The following SCAPER variants were observed in gnomAD, a reference collection of about 807,000 sequenced individuals.
SCAPER encodes the protein S-phase cyclin A associated protein in the ER.
SCAPER carries 98 observed loss-of-function variants against 182.2 expected under a neutral mutation model. The ratio of observed to expected loss-of-function variants is 0.54; its 90% CI spans 0.46 to 0.64. The LOEUF is 0.64. Among genes scored for constraint, SCAPER ranks in the 30% least tolerant of loss-of-function variants. SCAPER has a pLI of 0.00. For missense variants in SCAPER, 1,432 were observed against 1,690.0 expected (o/e 0.85, Z 2.68); for synonymous variants, 605 against 564.6 (o/e 1.07, Z -1.01).
At chr15:76,856,256 G>C (rs2071356993) in intron 4 of SCAPER, among the ~76,000 whole-genome samples, 1 of 151,958 alleles carries the variant, frequency 6.6e-6, no homozygotes, top group Non-Finnish European at 1.5e-5. Context: ...ACAAACAGAG[G>C]GGCCTCCTTG....
intron 23 of SCAPER, among the ~76,000 whole-genome samples, chr15:76,542,636 T>C (rs2044870683): frequency 6.6e-6 from 1 of 151,828 alleles, no homozygotes; most frequent in South Asian, 2.1e-4. Flanking sequence ...TTTACAACCT[T>C]CCTTAAAAAG....
At chr15:76,647,835 G>C (rs1468333765) in intron 21 of SCAPER, among the ~76,000 whole-genome samples, 1 of 152,148 alleles carries the variant, frequency 6.6e-6, no homozygotes, top group Non-Finnish European at 1.5e-5. Flanking sequence ...TCTGTAGAGA[G>C]TTCACAAAGG....
intron 15 of SCAPER, 147 bp downstream of exon 15, chr15:76,753,661 C>T (rs745417591): frequency 3.5e-5 from 29 of 819,472 alleles, no homozygotes; most frequent in Non-Finnish European, 5.3e-5. Context: ...AAATATTGCA[C>T]CTGGTAAGTT....
chr15:76,558,614 T>C (rs183429676), intron 23 of SCAPER, among the ~76,000 whole-genome samples: 1 of 152,310 alleles, frequency 6.6e-6, no homozygotes, highest in Admixed American at 6.5e-5. Context: ...AAAGCAGTTG[T>C]GATGCTTTCT....
intron 22 of SCAPER, among the ~76,000 whole-genome samples, chr15:76,607,679 C>G (rs1325293595): frequency 2.0e-5 from 3 of 152,332 alleles, no homozygotes; most frequent in Admixed American, 2.0e-4. Flanking sequence ...TTGGTCTTTT[C>G]ACATAGTCCC....
At chr15:76,829,112 A>G (rs967101246) in intron 5 of SCAPER, among the ~76,000 whole-genome samples, 1 of 152,238 alleles carries the variant, frequency 6.6e-6, no homozygotes, top group Non-Finnish European at 1.5e-5. Flanking sequence ...ACCATGAAAT[A>G]CTACTCAGCC....
At chr15:76,873,654 A>AT (rs1305492539) in intron 2 of SCAPER, among the ~76,000 whole-genome samples, 1 of 152,222 alleles carries the variant, frequency 6.6e-6, no homozygotes, top group Non-Finnish European at 1.5e-5. Flanking sequence ...AGACAAAAAA[A>AT]TTAAGTAACA....
At chr15:76,407,733 C>A (rs1311912292) in intron 26 of SCAPER, among the ~76,000 whole-genome samples, 1 of 152,126 alleles carries the variant, frequency 6.6e-6, no homozygotes. Flanking sequence ...TACCGAATTT[C>A]ATTCAATGAC....
rs2066653686 is a variant in SCAPER at position 76,811,854 on chromosome 15, A to G, written c.394-7221T>C. 1.3e-5 allele frequency among the ~76,000 whole-genome samples: 2 copies of G among 151,890 alleles called. 1 individual carries two copies. Among genetic ancestry groups the G allele is most frequent in the Admixed American group, 1.3e-4 (2 of 15,270 alleles). On this transcript the variant is annotated intron_variant, in intron 5 of 31. Transcript: ENST00000563290. ...AAGGGAAAACAAAACAAAACAAAAA[A>G]GTAAAAAGGAGGCTTGTAGCTATAA...
intron 26 of SCAPER, among the ~76,000 whole-genome samples, chr15:76,430,177 G>A (rs1304598938): frequency 6.6e-6 from 1 of 152,238 alleles, no homozygotes; most frequent in African/African-American, 2.4e-5. Context: ...GTACGGAAAT[G>A]CCTGGGTGCC....
intron 2 of SCAPER, among the ~76,000 whole-genome samples, chr15:76,866,431 A>C (rs1041742653): frequency 4.6e-5 from 7 of 152,192 alleles, no homozygotes; most frequent in Non-Finnish European, 1.0e-4. Context: ...TACTTCCATA[A>C]ACATTTCAGC....
chr15:76,813,116 A>C (rs1336550900), intron 5 of SCAPER, among the ~76,000 whole-genome samples: 1 of 151,894 alleles, frequency 6.6e-6, no homozygotes, highest in Non-Finnish European at 1.5e-5. Flanking sequence ...AATACATGCA[A>C]ATCAATCAAT....
chr15:76,742,050 T>C (rs1003220136), intron 15 of SCAPER, among the ~76,000 whole-genome samples: 10 of 151,954 alleles, frequency 6.6e-5, no homozygotes, highest in East Asian at 5.8e-4. Flanking sequence ...CAGTAAAGGA[T>C]TGGTTAGAGA....
At chr15:76,383,078 G>T (rs2043060576) in intron 27 of SCAPER, among the ~76,000 whole-genome samples, 1 of 85,316 alleles carries the variant, frequency 1.2e-5, no homozygotes, top group East Asian at 5.2e-4. Context: ...GGGTTAGTGT[G>T]TGTATAGGTG....
chr15:76,799,160 T>C (rs1476169030), intron 7 of SCAPER, among the ~76,000 whole-genome samples: 1 of 152,218 alleles, frequency 6.6e-6, no homozygotes, highest in African/African-American at 2.4e-5. Context: ...TACAGATCTA[T>C]TGCAAAGGAA....
rs1261337799 is a variant in SCAPER, at chr15:76,795,459, A to T, written c.612-19T>A. ...TGAACCTCTATGGAGAAAAATAAAC[A>T]CATTTAATAAATTAAATATAAAAGA... On this transcript the variant is annotated intron_variant, in intron 7 of 31. Transcript: ENST00000563290. 1.4e-6 allele frequency: 2 copies of T among 1,468,402 alleles called. No homozygotes were observed. The allele number at this position is 1,468,402 out of a possible 1,614,324, so 91.0% of individuals were successfully genotyped here. A position where few individuals can be genotyped will look rare whatever the true frequency, so the allele number is the denominator to read the frequency against.
chr15:76,882,601 G>C (rs2073619125), intron 2 of SCAPER, among the ~76,000 whole-genome samples: 1 of 152,194 alleles, frequency 6.6e-6, no homozygotes, highest in South Asian at 2.1e-4. Context: ...TTAGAACTGA[G>C]GAAGAGTATG....
At chr15:76,713,251 C>A (rs1273308054) in intron 17 of SCAPER, among the ~76,000 whole-genome samples, 1 of 151,904 alleles carries the variant, frequency 6.6e-6, no homozygotes, top group Non-Finnish European at 1.5e-5. Context: ...ACTAGAAATA[C>A]CATTTGACCC....
At chr15:76,716,532 A>G (rs913823474) in intron 17 of SCAPER, among the ~76,000 whole-genome samples, 3 of 152,194 alleles carry the variant, frequency 2.0e-5, no homozygotes, top group African/African-American at 4.8e-5. Context: ...TCAGTGAAAC[A>G]TAAGAGAATA....
Sources: allele counts gnomAD v4.1 joint callset (sites outside exome capture counted in the v4.1 genomes callset), GRCh38; gene constraint gnomAD v4.1.1; transcripts MANE v1.5; gene names NCBI Gene and HGNC (gene_info 2026-07-23, HGNC 2026-07-21).